Variants in WDR87 observed in about 807,000 individuals in gnomAD.
The protein encoded by WDR87 is WD repeat domain 87, also known as WD repeat-containing protein 87.
Under a neutral mutation model 83.3 loss-of-function variants are expected in WDR87, and 56 were observed. The ratio of observed to expected loss-of-function variants is 0.67; its 90% CI spans 0.54 to 0.84. The LOEUF is 0.84. WDR87 is among the 40% of genes least tolerant of loss of function. WDR87 has a pLI of 0.00. For missense variants in WDR87, 2,939 were observed against 3,431.9 expected, an observed-to-expected ratio of 0.86 and a Z score of 3.59; for synonymous variants, 1,173 against 1,250.6, an observed-to-expected ratio of 0.94 and a Z score of 1.31.
intron 1 of WDR87, among the ~76,000 whole-genome samples, chr19:37,899,247 C>T (rs1485278806): frequency 6.6e-6 from 1 of 151,684 alleles, no homozygotes; most frequent in African/African-American, 2.4e-5. Flanking sequence ...GGTGAAACCC[C>T]GTCTCTACTA....
rs368998085 is a variant in WDR87, at chr19:37,893,577, G to C, written c.2126C>G (p.Ser709Cys). The change falls in exon 4 of 6, where the codon TCC becomes TGC. Residue 709 changes from serine (S) to cysteine (C), a missense_variant. Coordinates refer to ENST00000447313, the MANE Select transcript of WDR87 (RefSeq NM_001291088.2). ...CTTGGGCACAAACATGGTCTCAAAG[G>C]AGAAGAAGAAGCTTGGTATGAAAGG... ...PKPFIPSFFFSFETMFVPKYI... is the reference protein window; with the variant it reads ...PKPFIPSFFFCFETMFVPKYI... 1 of 1,551,846 alleles carries C rather than the reference G, an allele frequency of 6.4e-7. No individual in the cohort carries two copies. Among genetic ancestry groups the C allele is most frequent in the South Asian group, 1.2e-5 (1 of 84,060 alleles).
Position 37,905,231 on chromosome 19 carries a change from CAA to C in WDR87, c.-47+1266_-47+1267del, listed in dbSNP as rs556366437. Among the ~76,000 whole-genome samples, 94 of 63,994 alleles carry C rather than the reference CAA, an allele frequency of 1.5e-3. No individual in the cohort carries two copies. In the East Asian group the frequency reaches 0.019, roughly 13 times the overall value. The allele number at this position is 63,994 out of a possible 152,430, so 42.0% of individuals were successfully genotyped here. On this transcript the variant is annotated intron_variant, in intron 1 of 5. Coordinates refer to ENST00000447313, the MANE Select transcript of WDR87 (RefSeq NM_001291088.2). Reference sequence around the variant, plus strand: ...TGGCGACAGAGTGGGACTCCGTCTCCAAAAAAAAAAAAAAAAAAAGTAGAACT... The same window carrying C: ...TGGCGACAGAGTGGGACTCCGTCTCCAAAAAAAAAAAAAAAAAGTAGAACT...
At position 37,894,015 on chromosome 19, in the gene WDR87, AG is replaced by A; in HGVS notation, c.1687del (p.Leu563Ter). The part of the protein sequence containing the change: ...SILSSCHLTH[L>X]ILLPKSVGAI... ...ACCCACAGACTTGGGCAAGAGTATCAGATGTGTTAGGTGACAGCTGCTGAGA... is the reference window on the plus strand; with the variant it reads ...ACCCACAGACTTGGGCAAGAGTATCAATGTGTTAGGTGACAGCTGCTGAGA... On this transcript the variant is annotated frameshift_variant, in exon 4 of 6. Coordinates refer to ENST00000447313, the MANE Select transcript of WDR87 (RefSeq NM_001291088.2). LOFTEE classifies it high-confidence loss of function. 1 of 1,551,928 alleles carries A rather than the reference AG, an allele frequency of 6.4e-7. No individual in the cohort carries two copies. The highest frequency in any genetic ancestry group is 8.7e-7 in the Non-Finnish European group (1 of 1,147,046).
chr19:37,900,626 G>A (rs1197486387), intron 1 of WDR87, among the ~76,000 whole-genome samples: 1 of 150,330 alleles, frequency 6.7e-6, no homozygotes, highest in African/African-American at 2.4e-5. Context: ...AGAGGAGGAA[G>A]AGGTTTTGCT....
chr19:37,904,686 C>T (rs1271995714), intron 1 of WDR87, among the ~76,000 whole-genome samples: 1 of 152,074 alleles, frequency 6.6e-6, no homozygotes, highest in Non-Finnish European at 1.5e-5. Context: ...TGATAGTATA[C>T]TATATACACT....
intron 1 of WDR87, 45 bp from the exon 2 acceptor site, chr19:37,898,330 G>C (rs915576774): frequency 1.3e-6 from 2 of 1,498,588 alleles, no homozygotes; most frequent in South Asian, 2.7e-5. Flanking sequence ...GCCATTTTCC[G>C]AGAAGCTAGG....
At position 37,892,726 on chromosome 19, in the gene WDR87, G is replaced by T. The variant is rs374198646; in HGVS notation, c.2977C>A (p.Leu993Ile). 2.7e-5 allele frequency: 42 copies of T among 1,551,826 alleles called. No individual in the cohort carries two copies. The African/African-American group carries it at 4.8e-4, about 18-fold the overall frequency. Residue 993 changes from leucine (L) to isoleucine (I), a missense_variant, in exon 4 of 6, where the codon CTT becomes ATT. Around this residue, in one of 3 missense-constraint regions of WDR87, gnomAD observed 2,160 missense variants for 2,533.1 expected, o/e 0.85. Coordinates refer to ENST00000447313, the MANE Select transcript of WDR87 (RefSeq NM_001291088.2). ...CCTTGAGCCAGAGGCATGGCAAAAA[G>T]ATGAGTAATCATTCCTAGACGCTTC... ...GLKRLGMITH[L>I]FAMPLAQGLM...
At chr19:37,905,359 A>C (rs1328383071) in intron 1 of WDR87, among the ~76,000 whole-genome samples, 1 of 151,344 alleles carries the variant, frequency 6.6e-6, no homozygotes, top group Non-Finnish European at 1.5e-5. Flanking sequence ...GCTGGGTGAG[A>C]TGGCTCACGC....
chr19:37,892,526 G>C, intron 4 of WDR87, 52 bp downstream of exon 4: 1 of 1,402,292 alleles, frequency 7.1e-7, no homozygotes, highest in Non-Finnish European at 9.5e-7. Context: ...GCAAAGGAAA[G>C]GAGGGGGAAA....
chr19:37,893,564 C>T lies in WDR87; in HGVS notation c.2139G>A (p.Met713Ile), dbSNP rs1042500611. 5 of 1,551,700 alleles carry T rather than the reference C, an allele frequency of 3.2e-6. No homozygotes were observed. The highest frequency in any genetic ancestry group is 1.4e-5 in the African/African-American group (1 of 73,050). Reference protein sequence around the residue: ...IPSFFFSFETMFVPKYIYPGQ... With the variant: ...IPSFFFSFETIFVPKYIYPGQ... ...CAGGGTAGATGTACTTGGGCACAAACATGGTCTCAAAGGAGAAGAAGAAGC... is the reference window on the plus strand; with the variant it reads ...CAGGGTAGATGTACTTGGGCACAAATATGGTCTCAAAGGAGAAGAAGAAGC... The change falls in exon 4 of 6, where the codon ATG becomes ATA. Residue 713 changes from methionine (M) to isoleucine (I), a missense_variant. Physicochemically the swap from Met to Ile is conservative, Grantham distance 10. This residue lies in a region of WDR87 where 553 missense variants were observed against 577.9 expected (regional missense o/e 0.96). Coordinates refer to ENST00000447313, the MANE Select transcript of WDR87 (RefSeq NM_001291088.2).
Position 37,893,546 on chromosome 19 carries a change from G to A in WDR87, c.2157C>T (p.Ile719=). 1 of 1,551,818 alleles carries A rather than the reference G, an allele frequency of 6.4e-7. No individual in the cohort carries two copies. Among genetic ancestry groups the A allele is most frequent in the Non-Finnish European group, 8.7e-7 (1 of 1,147,040 alleles). The change falls in exon 4 of 6, where the codon ATC becomes ATT. Residue 719 remains isoleucine (I), a synonymous_variant. Coordinates refer to ENST00000447313, the MANE Select transcript of WDR87 (RefSeq NM_001291088.2). ...ATTTCTGTTGCGCTTGTCCAGGGTA[G>A]ATGTACTTGGGCACAAACATGGTCT... is the stretch of plus-strand genomic sequence containing the variant. The part of the protein sequence containing the change: ...SFETMFVPKY[I]YPGQAQQKLV...
chr19:37,893,582 G>C lies in WDR87; in HGVS notation c.2121C>G (p.Phe707Leu). 6.4e-7 allele frequency: 1 copy of C among 1,551,910 alleles called. No individual in the cohort carries two copies. The highest frequency in any genetic ancestry group is 8.7e-7 in the Non-Finnish European group (1 of 1,147,052). The change falls in exon 4 of 6, where the codon TTC (phenylalanine) becomes TTG (leucine). Residue 707 changes from phenylalanine (F) to leucine (L), a missense_variant. By Grantham distance (22) the Phe-to-Leu change is conservative. Transcript: ENST00000447313. ...GCACAAACATGGTCTCAAAGGAGAA[G>C]AAGAAGCTTGGTATGAAAGGCTTAG... ...EVPKPFIPSF[F>L]FSFETMFVPK...
Position 37,894,120 on chromosome 19 carries a change from T to C in WDR87, c.1583A>G (p.Tyr528Cys), listed in dbSNP as rs2145431830. The C allele has an allele frequency of 6.4e-7, 1 of 1,552,308 alleles. No individual in the cohort carries two copies. The highest frequency in any genetic ancestry group is 8.7e-7 in the Non-Finnish European group (1 of 1,147,142). The part of the protein sequence containing the change: ...GGQGNSLLCS[Y>C]GMDDYVHLSE... ...CAGGTGCACATAGTCATCCATTCCA[T>C]AGGAACAGAGCAGAGAGTTTCCTTG... Residue 528 changes from tyrosine (Y) to cysteine (C), a missense_variant, in exon 4 of 6, where the codon TAT becomes TGT. By Grantham distance (194) the Tyr-to-Cys change is radical. Coordinates refer to ENST00000447313, the MANE Select transcript of WDR87 (RefSeq NM_001291088.2).
chr19:37,885,065 T>C lies in WDR87; in HGVS notation c.8606A>G (p.Gln2869Arg), dbSNP rs761028706. ...EFQGAVPLPW[Q>R]NCVRTILPVG... The stretch of plus-strand genomic sequence containing the variant: ...GGGAAGGATGGTGCGCACACAGTTC[T>C]GCCATGGGAGGGGTACCGCACCCTG... The change falls in exon 6 of 6, where the codon CAG (glutamine) becomes CGG (arginine). Residue 2869 changes from glutamine (Q) to arginine (R), a missense_variant. Gln to Arg is a conservative substitution (Grantham distance 43). Coordinates refer to ENST00000447313, the MANE Select transcript of WDR87 (RefSeq NM_001291088.2). The C allele has an allele frequency of 8.8e-6, 13 of 1,471,334 alleles. No homozygotes were observed. Among genetic ancestry groups the C allele is most frequent in the Non-Finnish European group, 9.0e-7 (1 of 1,110,072 alleles). 91.1% of individuals were successfully genotyped at this position (1,471,334 alleles called of 1,614,324 possible). A position where few individuals can be genotyped will look rare whatever the true frequency, so the allele number is the denominator to read the frequency against.
chr19:37,902,921 G>C (rs1441387660), intron 1 of WDR87, among the ~76,000 whole-genome samples: 1 of 152,190 alleles, frequency 6.6e-6, no homozygotes, highest in African/African-American at 2.4e-5. Flanking sequence ...TCAAAGAAGA[G>C]ATATAAAATG....
intron 1 of WDR87, among the ~76,000 whole-genome samples, chr19:37,899,830 G>T (rs2046283002): frequency 6.6e-6 from 1 of 152,198 alleles, no homozygotes; most frequent in Non-Finnish European, 1.5e-5. Flanking sequence ...TGCTGTCCAG[G>T]CTGGTCTCTA....
At position 37,889,990 on chromosome 19, in the gene WDR87, G is replaced by T; in HGVS notation, c.3681C>A (p.Leu1227=). The T allele has an allele frequency of 6.4e-7, 1 of 1,551,486 alleles. No individual in the cohort carries two copies. The highest frequency in any genetic ancestry group is 1.2e-5 in the South Asian group (1 of 84,046). ...TTCCCTTCTTTTTGTGCTTCTTTTT[G>T]AGTTTCTGAGCTGTTGCTTTCTTGT... ...KRDKKATAQK[L]KKKHKKKGKE... Residue 1227 remains leucine (L), a synonymous_variant, in exon 6 of 6, where the codon CTC becomes CTA. Transcript: ENST00000447313.
rs1171108882 is a variant in WDR87 at position 37,886,941 on chromosome 19, T to C, written c.6730A>G (p.Arg2244Gly). The C allele has an allele frequency of 3.8e-5, 59 of 1,551,868 alleles. No homozygotes were observed. The highest frequency in any genetic ancestry group is 5.1e-5 in the Non-Finnish European group (59 of 1,147,100). The change falls in exon 6 of 6, where the codon AGA (arginine) becomes GGA (glycine). Residue 2244 changes from arginine (R) to glycine (G), a missense_variant. By Grantham distance (125) the Arg-to-Gly change is moderately radical. This residue lies in a region of WDR87 where 2,160 missense variants were observed against 2,533.1 expected (regional missense o/e 0.85). Coordinates refer to ENST00000447313, the MANE Select transcript of WDR87 (RefSeq NM_001291088.2). ...AACTTTTCTTTTGGTTTGTCACCTC[T>C]CTTGGCCTCTTTCCTCTTTCTCCAC... ...RRWRKRKEAK[R>G]GDKPKEKFSS...
chr19:37,885,993 T>A lies in WDR87; in HGVS notation c.7678A>T (p.Ser2560Cys). Residue 2560 changes from serine (S) to cysteine (C), a missense_variant, in exon 6 of 6, where the codon AGC (serine) becomes TGC (cysteine). Physicochemically the swap from Ser to Cys is moderately radical, Grantham distance 112. Coordinates refer to ENST00000447313, the MANE Select transcript of WDR87 (RefSeq NM_001291088.2). Reference sequence around the variant, plus strand: ...CGGATCCACTCTACATCTGAGAGGCTTACGTCTGCATGTTGTTCCTTAGCT... The same window carrying A: ...CGGATCCACTCTACATCTGAGAGGCATACGTCTGCATGTTGTTCCTTAGCT... ...IPAKEQHADV[S>C]LSDVEWIRHV... 1 of 1,552,002 alleles carries A rather than the reference T, an allele frequency of 6.4e-7. No individual in the cohort carries two copies. Among genetic ancestry groups the A allele is most frequent in the Non-Finnish European group, 8.7e-7 (1 of 1,147,044 alleles).
Sources: gnomAD v4.1 joint callset for allele counts (sites outside exome capture counted in the v4.1 genomes callset) on GRCh38, gnomAD v4.1.1 for gene constraint, gnomAD v4.1.1 regional missense constraint, MANE v1.5 for transcripts, NCBI Gene and HGNC (gene_info 2026-07-23, HGNC 2026-07-21) for gene names.